The following CHRNA7 variants were observed in gnomAD, a reference collection of about 807,000 sequenced individuals.
CHRNA7 encodes the protein neuronal acetylcholine receptor subunit alpha-7.
CHRNA7 carries 17 observed loss-of-function variants against 48.0 expected under a neutral mutation model. The ratio of observed to expected loss-of-function variants is 0.35; its 90% CI spans 0.24 to 0.53. The LOEUF (loss-of-function observed/expected upper bound fraction) is 0.53. Ranked by LOEUF, CHRNA7 falls within the 20% of genes least tolerant of loss-of-function variation. The pLI is 0.92. For synonymous variants in CHRNA7, 75 were observed against 242.3 expected, an observed-to-expected ratio of 0.31 and a Z score of 6.41; for missense variants, 155 against 577.7, an observed-to-expected ratio of 0.27 and a Z score of 7.50.
chr15:32,116,929 G>T (rs1447483810), intron 4 of CHRNA7, among the ~76,000 whole-genome samples: 2 of 152,196 alleles, frequency 1.3e-5, no homozygotes. Flanking sequence ...TCCTGACCCT[G>T]TGGCTGATAG....
At chr15:32,142,294 T>C (rs1167945613) in intron 4 of CHRNA7, among the ~76,000 whole-genome samples, 3 of 152,172 alleles carry the variant, frequency 2.0e-5, no homozygotes, top group Non-Finnish European at 4.4e-5. Flanking sequence ...TGGATAAGCT[T>C]TTTGATGTGC....
At chr15:32,043,977 CAT>C (rs2049491970) in intron 2 of CHRNA7, among the ~76,000 whole-genome samples, 1 of 152,142 alleles carries the variant, frequency 6.6e-6, no homozygotes, top group African/African-American at 2.4e-5. Flanking sequence ...TTATATACAG[CAT>C]AGTGTCTATA....
At chr15:32,096,223 A>G (rs965845426) in intron 2 of CHRNA7, among the ~76,000 whole-genome samples, 1 of 152,232 alleles carries the variant, frequency 6.6e-6, no homozygotes, top group African/African-American at 2.4e-5. Context: ...AACTCTGTTT[A>G]AGGGTTAGCT....
chr15:32,137,333 A>ACAC (rs1555386691), intron 4 of CHRNA7, among the ~76,000 whole-genome samples: 2 of 69,456 alleles, frequency 2.9e-5, no homozygotes, highest in African/African-American at 8.1e-5. Context: ...TATGTTTACA[A>ACAC]CACCCCCCCC....
intron 4 of CHRNA7, among the ~76,000 whole-genome samples, chr15:32,138,103 T>C (rs2051305163): frequency 1.3e-5 from 2 of 152,068 alleles, no homozygotes; most frequent in South Asian, 2.1e-4. Context: ...ATGTATTAAA[T>C]AAGAAAACTA....
chr15:32,078,796 T>C (rs2050173106), intron 2 of CHRNA7, among the ~76,000 whole-genome samples: 1 of 152,096 alleles, frequency 6.6e-6, no homozygotes, highest in Non-Finnish European at 1.5e-5. Flanking sequence ...CCCTAACTCA[T>C]TTCATGAGGC....
At chr15:32,083,398 C>T (rs2050246383) in intron 2 of CHRNA7, among the ~76,000 whole-genome samples, 1 of 152,130 alleles carries the variant, frequency 6.6e-6, no homozygotes, top group African/African-American at 2.4e-5. Context: ...ACTTCCCAGC[C>T]TCCAGAACTG....
intron 2 of CHRNA7, among the ~76,000 whole-genome samples, chr15:32,088,919 A>C (rs2050341068): frequency 6.6e-6 from 1 of 152,164 alleles, no homozygotes; most frequent in East Asian, 1.9e-4. Context: ...TTTAATTTTA[A>C]TAAAGTCCAA....
At position 32,111,807 on chromosome 15, in the gene CHRNA7, TTTA is replaced by T; in HGVS notation, c.259_261del (p.Leu87del). 1 of 1,612,608 alleles carries T rather than the reference TTTA, an allele frequency of 6.2e-7. No homozygotes were observed. The highest frequency in any genetic ancestry group is 8.5e-7 in the Non-Finnish European group (1 of 1,178,584). ...TGTGTCAGTCTTGGACAGATCACTA[TTTA>T]CAGTGGAATGTGTCAGAATATCCAG... On this transcript the variant is annotated inframe_deletion, in exon 4 of 10. Coordinates refer to ENST00000306901, the MANE Select transcript of CHRNA7 (RefSeq NM_000746.6).
chr15:32,134,192 T>C (rs1366725044), intron 4 of CHRNA7, among the ~76,000 whole-genome samples: 2 of 151,908 alleles, frequency 1.3e-5, no homozygotes, highest in Admixed American at 1.3e-4. Context: ...TGAGTCTGGC[T>C]CTGTCTCCCA....
At chr15:32,101,120 G>C in intron 2 of CHRNA7, 183 bp from the exon 3 acceptor site, 1 of 577,288 alleles carries the variant, frequency 1.7e-6, no homozygotes, top group Non-Finnish European at 2.9e-6. Context: ...GTCTTACTTT[G>C]GAATAAATAG....
chr15:32,078,290 A>G (rs550127919), intron 2 of CHRNA7, among the ~76,000 whole-genome samples: 1 of 152,312 alleles, frequency 6.6e-6, no homozygotes, highest in Non-Finnish European at 1.5e-5. Context: ...CTAAAAAGTC[A>G]TCACCATACC....
At chr15:32,146,279 G>T (rs1400966876) in intron 4 of CHRNA7, among the ~76,000 whole-genome samples, 1 of 152,170 alleles carries the variant, frequency 6.6e-6, no homozygotes, top group Non-Finnish European at 1.5e-5. Flanking sequence ...AAACCCATTT[G>T]TAATTGGAAG....
At chr15:32,112,243 T>C (rs747931247) in intron 4 of CHRNA7, 6 of 474,226 alleles carry the variant, frequency 1.3e-5, no homozygotes, top group South Asian at 6.2e-5. Flanking sequence ...GCAGCAGTTA[T>C]GACCAACAGC....
At chr15:32,090,596 C>T (rs1406824598) in intron 2 of CHRNA7, among the ~76,000 whole-genome samples, 2 of 152,166 alleles carry the variant, frequency 1.3e-5, no homozygotes, top group Non-Finnish European at 2.9e-5. Context: ...CAGTGTGGTA[C>T]TTACCCTGCA....
intron 4 of CHRNA7, among the ~76,000 whole-genome samples, chr15:32,114,795 G>A (rs937396801): frequency 2.6e-5 from 4 of 152,194 alleles, no homozygotes; most frequent in African/African-American, 9.7e-5. Context: ...TGATGCCGTG[G>A]GCTGTCCAGG....
intron 2 of CHRNA7, among the ~76,000 whole-genome samples, chr15:32,085,601 A>G (rs542898942): frequency 4.1e-4 from 62 of 152,360 alleles, no homozygotes; most frequent in African/African-American, 1.4e-3. Flanking sequence ...AAATAACCTG[A>G]AAAGAGTTTG....
chr15:32,126,333 A>G (rs1205540985), intron 4 of CHRNA7, among the ~76,000 whole-genome samples: 3 of 152,190 alleles, frequency 2.0e-5, no homozygotes, highest in Non-Finnish European at 2.9e-5. Flanking sequence ...GACCTGTGGT[A>G]GGTAGCATCT....
rs74916141 is a variant in CHRNA7, at chr15:32,063,353, C to T, written c.195+32316C>T. On this transcript the variant is annotated intron_variant, in intron 2 of 9. Transcript: ENST00000306901. ...ACTTTCAGATACGCTGTCCATAGTT[C>T]CCTGAAATGTCATTATGTGACACAT... 3.6e-3 allele frequency among the ~76,000 whole-genome samples: 544 copies of T among 152,252 alleles called. 2 individuals are homozygous for T. Among genetic ancestry groups the T allele is most frequent in the Non-Finnish European group, 5.9e-3 (402 of 68,016 alleles).
Sources: gnomAD v4.1 joint callset for allele counts (sites outside exome capture counted in the v4.1 genomes callset) on GRCh38, gnomAD v4.1.1 for gene constraint, MANE v1.5 for transcripts, NCBI Gene and HGNC (gene_info 2026-07-23, HGNC 2026-07-21) for gene names.